The following FHAD1 variants were observed in gnomAD, a reference collection of about 807,000 sequenced individuals.
The protein encoded by FHAD1 is forkhead-associated domain-containing protein 1.
A neutral mutation model predicts 191.3 loss-of-function variants in FHAD1; 146 were observed. The ratio of observed to expected loss-of-function variants is 0.76; its 90% CI spans 0.67 to 0.88. FHAD1 has a LOEUF of 0.88. Among genes scored for constraint, FHAD1 ranks in the 40% least tolerant of loss-of-function variants. The pLI is 0.00. For synonymous variants in FHAD1, 616 were observed against 672.3 expected, an observed-to-expected ratio of 0.92 and a Z score of 1.29; for missense variants, 1,635 against 1,785.8, an observed-to-expected ratio of 0.92 and a Z score of 1.52.
At chr1:15,383,106 C>T (rs1701296611) in intron 31 of FHAD1, 4 of 471,766 alleles carry the variant, frequency 8.5e-6, no homozygotes, top group East Asian at 1.4e-4. Flanking sequence ...ATTAACTGTG[C>T]GACCTTGTGC....
At position 15,276,333 on chromosome 1, in the gene FHAD1, G is replaced by A. The variant is rs1365095847; in HGVS notation, c.300+3804G>A. Among the ~76,000 whole-genome samples the A allele has an allele frequency of 6.6e-6, 1 of 152,182 alleles. No individual in the cohort carries two copies. Among genetic ancestry groups the A allele is most frequent in the Non-Finnish European group, 1.5e-5 (1 of 68,038 alleles). On this transcript the variant is annotated intron_variant, in intron 3 of 33. Coordinates refer to ENST00000688493, the MANE Select transcript of FHAD1 (RefSeq NM_001391957.1). This position sits in a 1 kb window ranked among gnomAD's most constrained non-coding sequence, Gnocchi z 4.7. The stretch of plus-strand genomic sequence containing the variant: ...TGCCTCCACTGTGAGCCTTCCCATG[G>A]ACAGAAAACCTCCCAAGACCTCCCA...
intron 10 of FHAD1, among the ~76,000 whole-genome samples, chr1:15,322,962 C>CT (rs1676836748): frequency 6.6e-6 from 1 of 152,144 alleles, no homozygotes; most frequent in Non-Finnish European, 1.5e-5. Flanking sequence ...AAAGGCACTT[C>CT]TTACATGGCG....
At chr1:15,253,463 T>C (rs1647038509) in intron 2 of FHAD1, among the ~76,000 whole-genome samples, 1 of 152,264 alleles carries the variant, frequency 6.6e-6, no homozygotes, top group African/African-American at 2.4e-5. Context: ...GTTTCTGCGT[T>C]GATTTAGATC....
intron 22 of FHAD1, 102 bp downstream of exon 22, chr1:15,360,805 A>G (rs1264053411): frequency 5.3e-6 from 5 of 941,022 alleles, no homozygotes; most frequent in Non-Finnish European, 8.0e-6. Flanking sequence ...GCCGTGCCTC[A>G]TTCGAAAGCT....
chr1:15,260,010 AG>A (rs1316725756), intron 2 of FHAD1, among the ~76,000 whole-genome samples: 56 of 152,346 alleles, frequency 3.7e-4, no homozygotes, highest in African/African-American at 1.3e-3. Flanking sequence ...AGCTAGGCTA[AG>A]CGTTTCATGT....
intron 3 of FHAD1, among the ~76,000 whole-genome samples, chr1:15,284,783 G>A (rs774882737): frequency 6.6e-6 from 1 of 152,188 alleles, no homozygotes; most frequent in African/African-American, 2.4e-5. Context: ...AAATTCAGCC[G>A]TGGGTGTGGT....
chr1:15,342,206 G>T (rs867029757), intron 16 of FHAD1, among the ~76,000 whole-genome samples: 1 of 152,170 alleles, frequency 6.6e-6, no homozygotes, highest in Non-Finnish European at 1.5e-5. Flanking sequence ...CTGACAGACT[G>T]TTTCTAAATG....
At chr1:15,399,014 G>T (rs964906027), downstream of FHAD1, among the ~76,000 whole-genome samples, 3 of 151,982 alleles carry the variant, frequency 2.0e-5, no homozygotes, top group Non-Finnish European at 4.4e-5. Context: ...TAGAGATGGG[G>T]TTTCACCATG....
rs1358055596 is a variant in FHAD1 at position 15,318,902 on chromosome 1, G to C, written c.1365+974G>C. On this transcript the variant is annotated intron_variant, in intron 10 of 33. Coordinates refer to ENST00000688493, the MANE Select transcript of FHAD1 (RefSeq NM_001391957.1). The surrounding 1 kb of genome is among the most constrained non-coding windows in gnomAD (Gnocchi z 4.1). Reference sequence around the variant, plus strand: ...TTTTTAACTGAAAATATCTTCGAGAGTCCTGAGCAGTGTGGACAGAATCTC... The same window carrying C: ...TTTTTAACTGAAAATATCTTCGAGACTCCTGAGCAGTGTGGACAGAATCTC... 1.3e-5 allele frequency among the ~76,000 whole-genome samples: 2 copies of C among 152,162 alleles called. No individual in the cohort carries two copies. Among genetic ancestry groups the C allele is most frequent in the African/African-American group, 2.4e-5 (1 of 41,432 alleles).
chr1:15,293,930 G>A (rs78160590), intron 4 of FHAD1, among the ~76,000 whole-genome samples: 1,869 of 152,190 alleles, frequency 0.012, 12 homozygotes, highest in African/African-American at 0.016. Context: ...AGCCATGAAC[G>A]GTCCTAAGGC....
chr1:15,246,102 G>C (rs1190462204), upstream of FHAD1, among the ~76,000 whole-genome samples: 1 of 152,212 alleles, frequency 6.6e-6, no homozygotes, highest in Non-Finnish European at 1.5e-5. Context: ...AAGGCCAAGG[G>C]GAAGCAAGGA....
intron 3 of FHAD1, among the ~76,000 whole-genome samples, chr1:15,286,763 T>C (rs1044246883): frequency 6.6e-6 from 1 of 152,202 alleles, no homozygotes; most frequent in African/African-American, 2.4e-5. Context: ...CAAAAGATGC[T>C]GAGTGGGTTC....
In FHAD1 at chr1:15,394,705, A is replaced by G. The variant is rs566908514; in HGVS notation, c.4324-2592A>G. On this transcript the variant is annotated intron_variant, in intron 33 of 33. Transcript: ENST00000688493. The stretch of plus-strand genomic sequence containing the variant: ...CTCTGTGCCCTCTGAGGAAGGCAGG[A>G]TCGATATTCATCCCTATTTGGCAGA... 5.9e-5 allele frequency among the ~76,000 whole-genome samples: 9 copies of G among 152,304 alleles called. No homozygotes were observed. The South Asian group carries it at 1.2e-3, about 21-fold the overall frequency.
chr1:15,397,482 G>A lies in FHAD1; in HGVS notation c.*69G>A. On this transcript the variant is annotated 3_prime_UTR_variant, in exon 34 of 34. Transcript: ENST00000688493. ...CATGTGACTCTTCTGTGTCATCTGTGTCAAAATACTGAGTTGCTTTTGTAA... is the reference window on the plus strand; with the variant it reads ...CATGTGACTCTTCTGTGTCATCTGTATCAAAATACTGAGTTGCTTTTGTAA... The A allele has an allele frequency of 1.4e-6, 1 of 692,184 alleles. No homozygotes were observed. The highest frequency in any genetic ancestry group is 2.3e-6 in the Non-Finnish European group (1 of 437,398). The allele number at this position is 692,184 out of a possible 1,614,324, so 42.9% of individuals were successfully genotyped here. A position where few individuals can be genotyped will look rare whatever the true frequency, so the allele number is the denominator to read the frequency against.
At chr1:15,275,333 C>G (rs867532260) in intron 3 of FHAD1, among the ~76,000 whole-genome samples, 1 of 152,202 alleles carries the variant, frequency 6.6e-6, no homozygotes, top group Non-Finnish European at 1.5e-5. Context: ...ATGCAGTTGC[C>G]TCCTGCTTTA....
chr1:15,321,129 T>A (rs1175708449), intron 10 of FHAD1, among the ~76,000 whole-genome samples: 2 of 152,170 alleles, frequency 1.3e-5, no homozygotes, highest in Non-Finnish European at 2.9e-5. Flanking sequence ...AGACAGTGTT[T>A]CACCATGTTG....
intron 32 of FHAD1, 84 bp downstream of exon 32, chr1:15,388,215 C>A: frequency 1.2e-6 from 1 of 819,554 alleles, no homozygotes; most frequent in Non-Finnish European, 1.8e-6. Flanking sequence ...CAAATGCCTG[C>A]ACGCGCTGCC....
chr1:15,249,096 C>T (rs564489597), intron 1 of FHAD1, among the ~76,000 whole-genome samples: 6 of 152,110 alleles, frequency 3.9e-5, no homozygotes, highest in South Asian at 4.2e-4. Flanking sequence ...TCTCTTGGAA[C>T]GTATCTCAGT....
At chr1:15,301,510 C>G (rs556906560) in intron 6 of FHAD1, 69 bp downstream of exon 6, 11 of 1,352,594 alleles carry the variant, frequency 8.1e-6, no homozygotes, top group Non-Finnish European at 1.1e-5. Flanking sequence ...GACCACCAAC[C>G]AAGGTGAGCC....
Sources: allele counts gnomAD v4.1 joint callset (sites outside exome capture counted in the v4.1 genomes callset), GRCh38; gene constraint gnomAD v4.1.1; non-coding constraint Gnocchi (gnomAD v3.1); transcripts MANE v1.5; gene names NCBI Gene and HGNC (gene_info 2026-07-23, HGNC 2026-07-21).